DDX31: variants seen among roughly 807,000 people sequenced by gnomAD.
The protein encoded by DDX31 is DEAD-box helicase 31, also known as ATP-dependent DNA helicase DDX31.
Under a neutral mutation model 91.3 loss-of-function variants are expected in DDX31, and 70 were observed. That is an observed-to-expected ratio of 0.77 (90% CI 0.63 to 0.94). The LOEUF (loss-of-function observed/expected upper bound fraction) is 0.94. Among genes scored for constraint, DDX31 ranks in the 40% least tolerant of loss-of-function variants. The probability of loss-of-function intolerance (pLI) is 0.00; values close to 1 mark genes in which losing one functional copy is unlikely to be tolerated. For missense variants in DDX31, 902 were observed against 925.0 expected (o/e 0.98, Z 0.32); for synonymous variants, 362 against 350.6 (o/e 1.03, Z -0.36).
At chr9:132,604,371 C>A (rs1830890924) in intron 19 of DDX31, among the ~76,000 whole-genome samples, 1 of 152,184 alleles carries the variant, frequency 6.6e-6, no homozygotes, top group Non-Finnish European at 1.5e-5. Context: ...CCAGCATGGA[C>A]CCCAGAGGTG....
At chr9:132,664,980 T>C (rs1835218173) in intron 1 of DDX31, among the ~76,000 whole-genome samples, 2 of 152,182 alleles carry the variant, frequency 1.3e-5, no homozygotes, top group African/African-American at 4.8e-5. Context: ...TCCTGACCTC[T>C]CTTCACCCAG....
chr9:132,612,445 A>C, intron 18 of DDX31, 190 bp from the exon 19 acceptor site: 1 of 614,164 alleles, frequency 1.6e-6, no homozygotes. Flanking sequence ...AACAACAAAA[A>C]GAAAAAAACT....
At chr9:132,617,657 A>T (rs1831731827) in intron 18 of DDX31, among the ~76,000 whole-genome samples, 1 of 152,204 alleles carries the variant, frequency 6.6e-6, no homozygotes, top group African/African-American at 2.4e-5. Context: ...GTCTCATTAG[A>T]CATGGTCAGT....
In DDX31 at chr9:132,595,534, GCCT is replaced by G. The variant is rs371805850; in HGVS notation, c.1995-425_1995-423del. On this transcript the variant is annotated intron_variant, in intron 19 of 19. Transcript: ENST00000372159. This position sits in a 1 kb window ranked among gnomAD's most constrained non-coding sequence, Gnocchi z 4.6. ...ACCCCTAAGCAGCTTAAAGCAACTGGCCTCCTCATGGGCTCCTGAGGGCTTCAG... is the reference window on the plus strand; with the variant it reads ...ACCCCTAAGCAGCTTAAAGCAACTGGCCTCATGGGCTCCTGAGGGCTTCAG... Among the ~76,000 whole-genome samples, 25 of 152,318 alleles carry G rather than the reference GCCT, an allele frequency of 1.6e-4. No individual in the cohort carries two copies. In the South Asian group the frequency reaches 4.8e-3, roughly 29 times the overall value.
At chr9:132,655,354 T>C (rs1390664838) in intron 6 of DDX31, among the ~76,000 whole-genome samples, 1 of 151,844 alleles carries the variant, frequency 6.6e-6, no homozygotes, top group Non-Finnish European at 1.5e-5. Context: ...CCAAAACACA[T>C]CAAAGAAACC....
chr9:132,666,843 A>G (rs1362515742), intron 1 of DDX31, among the ~76,000 whole-genome samples: 1 of 151,828 alleles, frequency 6.6e-6, no homozygotes, highest in Non-Finnish European at 1.5e-5. Flanking sequence ...AGTGGCTTGG[A>G]CTATAGTCAC....
intron 19 of DDX31, among the ~76,000 whole-genome samples, chr9:132,609,275 A>T (rs1275397556): frequency 2.0e-5 from 3 of 152,136 alleles, no homozygotes; most frequent in Non-Finnish European, 4.4e-5. Flanking sequence ...CATGCTCTTT[A>T]TCAGCTAATC....
rs752081223 is a variant in DDX31 at position 132,594,983 on chromosome 9, GC to G, written c.2123del (p.Gly708AlafsTer20). On this transcript the variant is annotated frameshift_variant, in exon 20 of 20. Coordinates refer to ENST00000372159, the MANE Select transcript of DDX31 (RefSeq NM_022779.9). LOFTEE classifies it low-confidence loss of function (END_TRUNC). ...GCTGCAGACTGTGCTGCAGGGGCCG[GC>G]CACCAGGCTCTCCAGGTGCGTTTTG... ...KKQNAPGEPG[G>X]RPLQHSLQPT... The G allele has an allele frequency of 2.4e-5, 39 of 1,614,026 alleles. No individual in the cohort carries two copies. Among genetic ancestry groups the G allele is most frequent in the Non-Finnish European group, 3.1e-5 (36 of 1,180,044 alleles).
At chr9:132,638,252 G>A in intron 14 of DDX31, 1 of 1,596,276 alleles carries the variant, frequency 6.3e-7, no homozygotes, top group South Asian at 1.1e-5. Context: ...AAAATCAGGT[G>A]GCTTAGAAAC....
intron 17 of DDX31, among the ~76,000 whole-genome samples, chr9:132,619,937 G>A (rs929697580): frequency 3.3e-5 from 5 of 151,300 alleles, no homozygotes; most frequent in African/African-American, 7.3e-5. Flanking sequence ...TTCCCCTGGC[G>A]GACAGAATCC....
At chr9:132,645,765 C>T in intron 13 of DDX31, 130 bp downstream of exon 13, 1 of 1,021,006 alleles carries the variant, frequency 9.8e-7, no homozygotes, top group Non-Finnish European at 1.4e-6. Flanking sequence ...TCATTCTTGA[C>T]TTGCCCAGTG....
intron 19 of DDX31, 80 bp downstream of exon 19, chr9:132,612,007 G>C: frequency 6.5e-7 from 1 of 1,529,898 alleles, no homozygotes; most frequent in Non-Finnish European, 8.8e-7. Context: ...GAGAGTTGCG[G>C]TGAGCATGGC....
chr9:132,646,761 C>A, intron 12 of DDX31, 62 bp downstream of exon 12: 1 of 1,546,002 alleles, frequency 6.5e-7, no homozygotes, highest in Admixed American at 1.7e-5. Context: ...CTCCCAATGG[C>A]TTAACACAAG....
At chr9:132,655,572 G>A (rs1247296366) in intron 6 of DDX31, among the ~76,000 whole-genome samples, 1 of 152,112 alleles carries the variant, frequency 6.6e-6, no homozygotes, top group Non-Finnish European at 1.5e-5. Flanking sequence ...GTGCCACTAA[G>A]GGAAAGTGGG....
At chr9:132,662,171 C>G in intron 3 of DDX31, 90 bp downstream of exon 3, 1 of 1,257,554 alleles carries the variant, frequency 8.0e-7, no homozygotes, top group East Asian at 2.5e-5. Flanking sequence ...ACTCTCTGAT[C>G]TCTCCTCCTA....
In DDX31 at chr9:132,648,390, G is replaced by A. The variant is rs374021995; in HGVS notation, c.860+42C>T. 3.1e-6 allele frequency: 5 copies of A among 1,608,894 alleles called. No homozygotes were observed. In the African/African-American group the frequency reaches 6.7e-5, roughly 22 times the overall value. ...AGTTGCAACAAGGAGAGGAGAAACA[G>A]CCCTTCTCTTCTACCTGTTATCATC... On this transcript the variant is annotated intron_variant, in intron 10 of 19. Transcript: ENST00000372159.
At chr9:132,660,369 T>C (rs1367810249) in intron 4 of DDX31, among the ~76,000 whole-genome samples, 2 of 147,844 alleles carry the variant, frequency 1.4e-5, no homozygotes, top group African/African-American at 5.0e-5. Context: ...GAAACAGGCA[T>C]GACAACAAAT....
chr9:132,650,219 C>A lies in DDX31; in HGVS notation c.740+15G>T, dbSNP rs1483852508. ...CATTCAAGAAGGAAACAACAACCAACAAACCTCTTCCTACCTGGCCTTTTC... is the reference window on the plus strand; with the variant it reads ...CATTCAAGAAGGAAACAACAACCAAAAAACCTCTTCCTACCTGGCCTTTTC... On this transcript the variant is annotated intron_variant, in intron 9 of 19. Coordinates refer to ENST00000372159, the MANE Select transcript of DDX31 (RefSeq NM_022779.9). 1 of 1,613,564 alleles carries A rather than the reference C, an allele frequency of 6.2e-7. No individual in the cohort carries two copies. Among genetic ancestry groups the A allele is most frequent in the South Asian group, 1.1e-5 (1 of 91,062 alleles).
At chr9:132,601,173 C>T (rs1830700963) in intron 19 of DDX31, among the ~76,000 whole-genome samples, 1 of 152,192 alleles carries the variant, frequency 6.6e-6, no homozygotes. Flanking sequence ...TGGATGAAAT[C>T]ATGAGGCATG....
Sources: gnomAD v4.1 joint callset for allele counts (sites outside exome capture counted in the v4.1 genomes callset) on GRCh38, gnomAD v4.1.1 for gene constraint, Gnocchi (gnomAD v3.1) non-coding constraint, MANE v1.5 for transcripts, NCBI Gene and HGNC (gene_info 2026-07-23, HGNC 2026-07-21) for gene names.